WWOX: variants seen among roughly 807,000 people sequenced by gnomAD.
The protein encoded by WWOX is WW domain-containing oxidoreductase.
WWOX carries 69 observed loss-of-function variants against 46.2 expected under a neutral mutation model. The observed-to-expected ratio is 1.49, with a 90% confidence interval of 1.23 to 1.82. The LOEUF is 1.82. Among genes scored for constraint, WWOX ranks in the 40% most tolerant of loss-of-function variants. The pLI, the probability that WWOX is intolerant of heterozygous loss-of-function variation, is 0.00. For missense variants in WWOX, 919 were observed against 542.6 expected, an observed-to-expected ratio of 1.69 and a Z score of -6.89; for synonymous variants, 359 against 202.6, an observed-to-expected ratio of 1.77 and a Z score of -6.56.
chr16:78,501,531 T>A (rs1039598927), intron 8 of WWOX, among the ~76,000 whole-genome samples: 5 of 151,590 alleles, frequency 3.3e-5, no homozygotes, highest in Admixed American at 3.3e-4. Context: ...CCTGAGAAGT[T>A]CTTTTTCTTT....
At chr16:79,149,524 G>A (rs570840147) in intron 8 of WWOX, among the ~76,000 whole-genome samples, 1 of 152,184 alleles carries the variant, frequency 6.6e-6, no homozygotes, top group Admixed American at 6.5e-5. Context: ...TGTTGGGTGG[G>A]TTCCATTTTT....
chr16:79,128,850 A>C (rs1016646100), intron 8 of WWOX, among the ~76,000 whole-genome samples: 2 of 152,134 alleles, frequency 1.3e-5, no homozygotes, highest in African/African-American at 2.4e-5. Flanking sequence ...GCAGAGTATG[A>C]AGGTTGTGAT....
chr16:78,202,738 T>G (rs2036271410), intron 5 of WWOX, among the ~76,000 whole-genome samples: 1 of 152,096 alleles, frequency 6.6e-6, no homozygotes, highest in African/African-American at 2.4e-5. Context: ...GTCTCTGTAC[T>G]GTGTCCCCAC....
intron 8 of WWOX, among the ~76,000 whole-genome samples, chr16:78,923,630 C>G (rs978832691): frequency 6.6e-6 from 1 of 151,976 alleles, no homozygotes; most frequent in Non-Finnish European, 1.5e-5. Context: ...TTTCACTCTT[C>G]TATGAATCAA....
At chr16:78,262,850 GTTGATCATAA>G (rs2079276127) in intron 5 of WWOX, among the ~76,000 whole-genome samples, 1 of 152,182 alleles carries the variant, frequency 6.6e-6, no homozygotes, top group African/African-American at 2.4e-5. Flanking sequence ...CCCTTACTCT[GTTGATCATAA>G]AAGTAGGAGC....
At chr16:79,167,593 C>T (rs1292868313) in intron 8 of WWOX, among the ~76,000 whole-genome samples, 2 of 152,166 alleles carry the variant, frequency 1.3e-5, no homozygotes, top group African/African-American at 4.8e-5. Context: ...CAGCTTAAGG[C>T]AGCGAAGCGA....
chr16:78,681,397 C>G lies in WWOX; in HGVS notation c.1056+248645C>G, dbSNP rs142829165. On this transcript the variant is annotated intron_variant, in intron 8 of 8. Transcript: ENST00000566780. ...TCAGTCTGGGTGACAGAGCGAGACT[C>G]TGTCTCAAAAAACCAAAACAAAGGT... Among the ~76,000 whole-genome samples the G allele has an allele frequency of 1.9e-3, 289 of 152,234 alleles. 1 individual carries two copies. Among genetic ancestry groups the G allele is most frequent in the Non-Finnish European group, 2.5e-3 (167 of 68,012 alleles).
At chr16:78,927,802 T>A (rs2045532762) in intron 8 of WWOX, among the ~76,000 whole-genome samples, 1 of 152,208 alleles carries the variant, frequency 6.6e-6, no homozygotes, top group Non-Finnish European at 1.5e-5. Context: ...CTTGAATAAA[T>A]GTCTTTCTTT....
At chr16:78,785,322 C>A (rs1567558122) in intron 8 of WWOX, among the ~76,000 whole-genome samples, 4 of 152,140 alleles carry the variant, frequency 2.6e-5, no homozygotes, top group Non-Finnish European at 5.9e-5. Flanking sequence ...CTTTGAGCAC[C>A]CTGCTCTGAA....
At chr16:78,929,726 C>G (rs1205789989) in intron 8 of WWOX, among the ~76,000 whole-genome samples, 1 of 152,016 alleles carries the variant, frequency 6.6e-6, no homozygotes, top group Non-Finnish European at 1.5e-5. Context: ...AGGAAGGCAG[C>G]TTTGAAAAGA....
At chr16:78,821,139 T>A (rs2051481942) in intron 8 of WWOX, among the ~76,000 whole-genome samples, 2 of 152,160 alleles carry the variant, frequency 1.3e-5, no homozygotes, top group Non-Finnish European at 2.9e-5. Context: ...AACGTATGGG[T>A]GTGCTTTCTC....
chr16:78,894,830 A>G (rs765717119), intron 8 of WWOX, among the ~76,000 whole-genome samples: 2 of 152,200 alleles, frequency 1.3e-5, no homozygotes, highest in Non-Finnish European at 2.9e-5. Flanking sequence ...AGTTTTCCAC[A>G]ATGCGGCTAT....
rs112990958 is a variant in WWOX, at chr16:78,802,427, A to G, written c.1056+369675A>G. Among the ~76,000 whole-genome samples, 507 of 152,242 alleles carry G rather than the reference A, an allele frequency of 3.3e-3. 2 individuals are homozygous for G. Among genetic ancestry groups the G allele is most frequent in the Non-Finnish European group, 5.6e-3 (382 of 68,024 alleles). ...ATGCCGAGGAAGCAAGTGTATTTAAATAAACAGTTGTTTATGGAAGGCTTT... is the reference window on the plus strand; with the variant it reads ...ATGCCGAGGAAGCAAGTGTATTTAAGTAAACAGTTGTTTATGGAAGGCTTT... On this transcript the variant is annotated intron_variant, in intron 8 of 8. Coordinates refer to ENST00000566780, the MANE Select transcript of WWOX (RefSeq NM_016373.4).
chr16:78,281,255 G>A lies in WWOX; in HGVS notation c.517-105605G>A, dbSNP rs538411400. Among the ~76,000 whole-genome samples, 37 of 152,182 alleles carry A rather than the reference G, an allele frequency of 2.4e-4. 1 individual carries two copies. The highest frequency in any genetic ancestry group is 4.7e-4 in the Non-Finnish European group (32 of 68,034). On this transcript the variant is annotated intron_variant, in intron 5 of 8. Coordinates refer to ENST00000566780, the MANE Select transcript of WWOX (RefSeq NM_016373.4). Reference sequence around the variant, plus strand: ...GTGAAGACAGCGCCAAGCCATGAGGGCTCCGCCCCAGTGATTCAAATACCT... The same window carrying A: ...GTGAAGACAGCGCCAAGCCATGAGGACTCCGCCCCAGTGATTCAAATACCT...
Position 78,942,239 on chromosome 16 carries a change from A to G in WWOX, c.1057-269369A>G, listed in dbSNP as rs538239480. 9.2e-5 allele frequency among the ~76,000 whole-genome samples: 14 copies of G among 152,284 alleles called. No individual in the cohort carries two copies. The East Asian group carries it at 2.1e-3, about 23-fold the overall frequency. On this transcript the variant is annotated intron_variant, in intron 8 of 8. Transcript: ENST00000566780. Reference sequence around the variant, plus strand: ...TATAGTCAATTCCCTTTAAAGTAGTAGGCTTCTTAAATAATTCTAGTTGTT... The same window carrying G: ...TATAGTCAATTCCCTTTAAAGTAGTGGGCTTCTTAAATAATTCTAGTTGTT...
chr16:79,112,311 C>G (rs1439245922), intron 8 of WWOX, among the ~76,000 whole-genome samples: 1 of 151,786 alleles, frequency 6.6e-6, no homozygotes, highest in Non-Finnish European at 1.5e-5. Context: ...ACTCAGATGT[C>G]AAGTCACCAA....
intron 8 of WWOX, among the ~76,000 whole-genome samples, chr16:78,751,439 TTATA>T (rs1373648417): frequency 7.4e-6 from 1 of 135,920 alleles, no homozygotes; most frequent in African/African-American, 2.8e-5. Context: ...ATTTATCAGA[TTATA>T]TATATATTTA....
At chr16:79,105,605 A>G (rs1404166619) in intron 8 of WWOX, among the ~76,000 whole-genome samples, 2 of 152,154 alleles carry the variant, frequency 1.3e-5, no homozygotes, top group Non-Finnish European at 2.9e-5. Context: ...TATATTGTAC[A>G]CAGTCCTATA....
chr16:78,926,200 C>G (rs544570030), intron 8 of WWOX, among the ~76,000 whole-genome samples: 1 of 152,042 alleles, frequency 6.6e-6, no homozygotes, highest in African/African-American at 2.4e-5. Flanking sequence ...ATGGCAAAAC[C>G]TTACCTCTCA....
Sources: allele counts gnomAD v4.1 joint callset (sites outside exome capture counted in the v4.1 genomes callset), GRCh38; gene constraint gnomAD v4.1.1; transcripts MANE v1.5; gene names NCBI Gene and HGNC (gene_info 2026-07-23, HGNC 2026-07-21).